RASEF: variants seen among roughly 807,000 people sequenced by gnomAD.
RASEF encodes RAS and EF-hand domain containing.
RASEF carries 68 observed loss-of-function variants against 90.1 expected under a neutral mutation model. The observed-to-expected ratio is 0.75, with a 90% CI of 0.62 to 0.92. The LOEUF (loss-of-function observed/expected upper bound fraction) is 0.92, where lower values mean the gene tolerates loss of function less well. Ranked by LOEUF, RASEF falls within the 40% of genes least tolerant of loss-of-function variation. The pLI, the probability that RASEF is intolerant of heterozygous loss-of-function variation, is 0.00. For synonymous variants in RASEF, 331 were observed against 345.2 expected (o/e 0.96, Z 0.46); for missense variants, 949 against 937.2 (o/e 1.01, Z -0.16).
chr9:83,176,942 C>A, the RASEF span, among the ~76,000 whole-genome samples: 4 of 151,824 alleles, frequency 2.6e-5, no homozygotes, highest in African/African-American at 9.7e-5. Context: ...TTATAGTAAC[C>A]TTCTTATTAT....
At chr9:83,027,290 T>C (rs1029409196) in intron 1 of RASEF, among the ~76,000 whole-genome samples, 6 of 152,152 alleles carry the variant, frequency 3.9e-5, no homozygotes, top group Non-Finnish European at 8.8e-5. Context: ...CACTGGCCAA[T>C]GGTGATTACC....
At chr9:83,155,423 C>A in the RASEF span, among the ~76,000 whole-genome samples, 4 of 152,158 alleles carry the variant, frequency 2.6e-5, no homozygotes, top group Admixed American at 6.5e-5. Context: ...TACATGGCAG[C>A]AGACAAGAGA....
chr9:83,022,874 T>C (rs1012078302), intron 2 of RASEF, among the ~76,000 whole-genome samples: 32 of 152,198 alleles, frequency 2.1e-4, no homozygotes, highest in African/African-American at 7.2e-4. Context: ...ACAGAATAGA[T>C]ACAGTAAAAG....
chr9:83,084,343 G>C, the RASEF span, among the ~76,000 whole-genome samples: 1 of 152,124 alleles, frequency 6.6e-6, no homozygotes, highest in African/African-American at 2.4e-5. Flanking sequence ...CATAGGCCAA[G>C]AGGCACAATC....
At chr9:83,194,921 C>T in the RASEF span, among the ~76,000 whole-genome samples, 7 of 152,176 alleles carry the variant, frequency 4.6e-5, no homozygotes, top group Admixed American at 2.0e-4. Flanking sequence ...TAGGTCATTT[C>T]GCATATTCCT....
At chr9:83,048,093 C>T (rs1294917842) in intron 1 of RASEF, 1 of 984,628 alleles carries the variant, frequency 1.0e-6, no homozygotes, top group East Asian at 1.1e-4. Context: ...GCCGTAGACT[C>T]CACATCACTG....
In RASEF at chr9:83,005,479, A is replaced by G; in HGVS notation, c.1050T>C (p.His350=). ...EILQTANRKL[H]DSNDGLRSAL... ...CACTTCTAAGGCCATCATTACTGTC[A>G]TGTAGCTTCCGGTTAGCTGTTCTGC... Residue 350 remains histidine, a synonymous_variant, in exon 8 of 17, where the codon CAT becomes CAC. Transcript: ENST00000376447. The G allele has an allele frequency of 6.2e-7, 1 of 1,613,902 alleles. No homozygotes were observed. The highest frequency in any genetic ancestry group is 1.6e-4 in the Middle Eastern group (1 of 6,062).
At chr9:83,075,711 A>G in the RASEF span, among the ~76,000 whole-genome samples, 2 of 152,164 alleles carry the variant, frequency 1.3e-5, no homozygotes, top group East Asian at 3.8e-4. Context: ...CTCCAAAATA[A>G]TGGAGAAATA....
intron 1 of RASEF, chr9:83,055,412 G>T (rs1460923124): frequency 5.2e-6 from 3 of 580,000 alleles, no homozygotes; most frequent in Non-Finnish European, 6.3e-6. Context: ...CTCGCGCACG[G>T]TGCGCGCACA....
the RASEF span, among the ~76,000 whole-genome samples, chr9:83,140,597 T>A: frequency 6.6e-6 from 1 of 152,276 alleles, no homozygotes; most frequent in East Asian, 1.9e-4. Context: ...ATATGGGTCC[T>A]ATCAGCTGGC....
At chr9:83,193,396 A>G in the RASEF span, among the ~76,000 whole-genome samples, 3 of 152,216 alleles carry the variant, frequency 2.0e-5, no homozygotes, top group Admixed American at 6.5e-5. Flanking sequence ...CACTCACCCT[A>G]TGAGTATCTT....
chr9:83,215,497 G>A, the RASEF span, among the ~76,000 whole-genome samples: 8,793 of 152,128 alleles, frequency 0.058, 752 homozygotes, highest in East Asian at 0.43. Flanking sequence ...GCCTGTCTGC[G>A]TGCTCCCCCT....
chr9:83,217,797 G>T, the RASEF span, among the ~76,000 whole-genome samples: 1 of 152,158 alleles, frequency 6.6e-6, no homozygotes, highest in African/African-American at 2.4e-5. Context: ...ATAGAGTTGG[G>T]GGGTGGGGAA....
chr9:83,089,323 C>CA, the RASEF span, among the ~76,000 whole-genome samples: 403 of 151,750 alleles, frequency 2.7e-3, 3 homozygotes, highest in African/African-American at 8.6e-3. Flanking sequence ...GAGCTATAAA[C>CA]AAAAAAAATT....
chr9:83,084,408 G>T, the RASEF span, among the ~76,000 whole-genome samples: 1 of 152,118 alleles, frequency 6.6e-6, no homozygotes, highest in Non-Finnish European at 1.5e-5. Context: ...ACTTCAAGTT[G>T]TAAAAAGCAG....
chr9:83,152,901 CAGACACCCCTTCT>C, the RASEF span, among the ~76,000 whole-genome samples: 1 of 152,154 alleles, frequency 6.6e-6, no homozygotes, highest in South Asian at 2.1e-4. Flanking sequence ...TTGCTAGCCA[CAGACACCCCTTCT>C]ATGGCAGTTA....
At chr9:83,177,568 C>T in the RASEF span, among the ~76,000 whole-genome samples, 1 of 150,066 alleles carries the variant, frequency 6.7e-6, no homozygotes, top group Non-Finnish European at 1.5e-5. Context: ...TAAAAAGTTT[C>T]TGGTAAGATG....
intron 3 of RASEF, among the ~76,000 whole-genome samples, chr9:83,016,773 C>A (rs991220419): frequency 4.6e-5 from 7 of 152,096 alleles, no homozygotes; most frequent in Admixed American, 3.9e-4. Flanking sequence ...TAAGGTAGGG[C>A]CTCTCTGCAG....
intron 16 of RASEF, among the ~76,000 whole-genome samples, chr9:82,989,047 AC>A (rs967211870): frequency 5.9e-5 from 9 of 151,910 alleles, no homozygotes; most frequent in African/African-American, 2.2e-4. Flanking sequence ...GCATCTGCCA[AC>A]CCTGCCACAA....
Sources: gnomAD v4.1 joint callset for allele counts (sites outside exome capture counted in the v4.1 genomes callset) on GRCh38, gnomAD v4.1.1 for gene constraint, MANE v1.5 for transcripts, NCBI Gene and HGNC (gene_info 2026-07-23, HGNC 2026-07-21) for gene names.